Variants in PRKAR2B observed in about 807,000 individuals in gnomAD.
PRKAR2B encodes protein kinase cAMP-dependent type II regulatory subunit beta.
In PRKAR2B, 14 loss-of-function variants were observed where a neutral mutation model predicts 49.9. The ratio of observed to expected loss-of-function variants is 0.28; its 90% CI spans 0.19 to 0.44. The LOEUF is 0.44. PRKAR2B is among the 20% of genes least tolerant of loss of function. The pLI is 1.00. For missense variants in PRKAR2B, 393 were observed against 537.9 expected, an observed-to-expected ratio of 0.73 and a Z score of 2.67; for synonymous variants, 196 against 197.7, an observed-to-expected ratio of 0.99 and a Z score of 0.07.
chr7:107,053,525 AGTGTGTGTGTGTGTGTGT>A (rs56855022), intron 1 of PRKAR2B, among the ~76,000 whole-genome samples: 4 of 141,892 alleles, frequency 2.8e-5, no homozygotes, highest in African/African-American at 7.8e-5. Flanking sequence ...GATTATAAAG[AGTGTGTGTGTGTGTGTGT>A]GTGTGTGTGT....
At chr7:107,103,817 G>A (rs1451330349) in intron 2 of PRKAR2B, among the ~76,000 whole-genome samples, 3 of 152,206 alleles carry the variant, frequency 2.0e-5, no homozygotes, top group Non-Finnish European at 4.4e-5. Flanking sequence ...GAATCTTTCA[G>A]TTAGAACACC....
At chr7:107,045,262 C>A in intron 1 of PRKAR2B, 48 bp downstream of exon 1, 1 of 1,366,154 alleles carries the variant, frequency 7.3e-7, no homozygotes, top group South Asian at 1.5e-5. Flanking sequence ...CCTCGCTGCC[C>A]CCCACCGCTC....
intron 2 of PRKAR2B, among the ~76,000 whole-genome samples, chr7:107,109,708 C>T (rs1017539820): frequency 2.0e-5 from 3 of 151,990 alleles, no homozygotes; most frequent in Admixed American, 1.3e-4. Flanking sequence ...TCTATCCTAC[C>T]AGAATTTTTT....
chr7:107,073,276 A>G (rs1030287943), intron 2 of PRKAR2B, among the ~76,000 whole-genome samples: 4 of 152,160 alleles, frequency 2.6e-5, no homozygotes, highest in Admixed American at 6.5e-5. Context: ...GATTATTTTT[A>G]CACTTTTAAG....
chr7:107,065,346 G>A (rs771142578), intron 1 of PRKAR2B, among the ~76,000 whole-genome samples: 9,291 of 149,844 alleles, frequency 0.062, 330 homozygotes, highest in Non-Finnish European at 0.072. Context: ...GTGTGTGTGT[G>A]TGTGTGTGTG....
chr7:107,155,074 C>T (rs1009441402), intron 8 of PRKAR2B, among the ~76,000 whole-genome samples: 1 of 152,202 alleles, frequency 6.6e-6, no homozygotes, highest in Non-Finnish European at 1.5e-5. Context: ...TGTCTCGGCA[C>T]TTCCTCAGGA....
At chr7:107,123,438 G>C (rs1795424432) in intron 3 of PRKAR2B, among the ~76,000 whole-genome samples, 1 of 152,194 alleles carries the variant, frequency 6.6e-6, no homozygotes. Context: ...ACACTGGGGA[G>C]AGATTATCAG....
At chr7:107,097,430 A>T (rs1448098383) in intron 2 of PRKAR2B, among the ~76,000 whole-genome samples, 1 of 152,130 alleles carries the variant, frequency 6.6e-6, no homozygotes, top group Non-Finnish European at 1.5e-5. Context: ...TCTTGTGAAT[A>T]CAGGACACTG....
intron 2 of PRKAR2B, among the ~76,000 whole-genome samples, chr7:107,098,999 A>G (rs1794903929): frequency 6.6e-6 from 1 of 152,176 alleles, no homozygotes; most frequent in Non-Finnish European, 1.5e-5. Flanking sequence ...GTCCATTCTC[A>G]GATCTCAAAC....
rs151013762 is a variant in PRKAR2B at position 107,092,040 on chromosome 7, T to C, written c.343+21724T>C. Among the ~76,000 whole-genome samples, 423 of 152,180 alleles carry C rather than the reference T, an allele frequency of 2.8e-3. 3 individuals are homozygous for C. The highest frequency in any genetic ancestry group is 0.01 in the Middle Eastern group (3 of 294). On this transcript the variant is annotated intron_variant, in intron 2 of 10. Transcript: ENST00000265717. ...GGAATGGGTAGTGGAAGGAATAAAT[T>C]TCCAATTCAGCAAACCATGTAAGTT...
chr7:107,066,939 C>T (rs1274592300), intron 1 of PRKAR2B: 5 of 152,198 alleles, frequency 3.3e-5, no homozygotes, highest in Non-Finnish European at 7.3e-5. Flanking sequence ...CCATATATCA[C>T]AAGTTGAAAA....
chr7:107,141,073 T>TG, intron 5 of PRKAR2B, 120 bp downstream of exon 5: 2 of 660,134 alleles, frequency 3.0e-6, no homozygotes, highest in Non-Finnish European at 5.1e-6. Context: ...ACTCTTATTA[T>TG]TACATAATAG....
chr7:107,142,619 G>A (rs961745741), intron 5 of PRKAR2B, among the ~76,000 whole-genome samples: 1 of 152,108 alleles, frequency 6.6e-6, no homozygotes, highest in East Asian at 1.9e-4. Flanking sequence ...ACAGCACTTG[G>A]TTCAGATCAC....
chr7:107,148,061 C>G (rs926622449), intron 6 of PRKAR2B, among the ~76,000 whole-genome samples: 4 of 152,148 alleles, frequency 2.6e-5, no homozygotes, highest in African/African-American at 9.7e-5. Context: ...AGAGGAAAAG[C>G]TGAATTGTCT....
intron 1 of PRKAR2B, among the ~76,000 whole-genome samples, chr7:107,054,421 A>G (rs1372009301): frequency 2.0e-5 from 3 of 152,196 alleles, no homozygotes; most frequent in Non-Finnish European, 2.9e-5. Flanking sequence ...GATATAGCCA[A>G]ATATTCTTGT....
chr7:107,109,234 A>G (rs1193340478), intron 2 of PRKAR2B, among the ~76,000 whole-genome samples: 2 of 151,938 alleles, frequency 1.3e-5, no homozygotes, highest in Non-Finnish European at 2.9e-5. Context: ...TGGTCTCTTT[A>G]CTACATCATA....
At chr7:107,138,233 A>G (rs1795733015) in intron 4 of PRKAR2B, among the ~76,000 whole-genome samples, 1 of 152,272 alleles carries the variant, frequency 6.6e-6, no homozygotes, top group Non-Finnish European at 1.5e-5. Flanking sequence ...AATATAAACT[A>G]TGGACTTTGA....
intron 4 of PRKAR2B, 128 bp from the exon 5 acceptor site, chr7:107,140,719 C>T (rs1191723793): frequency 1.1e-5 from 6 of 564,516 alleles, no homozygotes; most frequent in Non-Finnish European, 1.8e-5. Context: ...ATTTTTCTGA[C>T]AACATTTAGT....
intron 4 of PRKAR2B, among the ~76,000 whole-genome samples, chr7:107,132,355 C>T (rs1377143241): frequency 6.6e-6 from 1 of 152,106 alleles, no homozygotes; most frequent in Non-Finnish European, 1.5e-5. Context: ...GCAGTGGGCA[C>T]AGCTGAAGAG....
Sources: gnomAD v4.1 joint callset for allele counts (sites outside exome capture counted in the v4.1 genomes callset) on GRCh38, gnomAD v4.1.1 for gene constraint, MANE v1.5 for transcripts, NCBI Gene and HGNC (gene_info 2026-07-23, HGNC 2026-07-21) for gene names.